The following DAAM1 variants were observed in gnomAD, a reference collection of about 807,000 sequenced individuals.
The protein encoded by DAAM1 is disheveled-associated activator of morphogenesis 1.
In DAAM1, 52 loss-of-function variants were observed where a neutral mutation model predicts 130.0. That is an observed-to-expected ratio of 0.40 (90% confidence interval 0.32 to 0.50). The LOEUF is 0.50. Ranked by LOEUF, DAAM1 falls within the 20% of genes least tolerant of loss-of-function variation. DAAM1 has a pLI of 0.61. For synonymous variants in DAAM1, 452 were observed against 444.5 expected, an observed-to-expected ratio of 1.02 and a Z score of -0.21; for missense variants, 1,134 against 1,303.8, an observed-to-expected ratio of 0.87 and a Z score of 2.01.
In DAAM1 at chr14:59,370,153, T is replaced by TAC. The variant is rs1887106308; in HGVS notation, c.*1294_*1295insAC. On this transcript the variant is annotated 3_prime_UTR_variant, in exon 25 of 25. Coordinates refer to ENST00000360909, the MANE Select transcript of DAAM1 (RefSeq NM_001270520.2). ...GACTGTTACTTTTTTACTTTTTTTTTTTTTTTTTTTTTTTTTTGGCTTTGC... is the reference window on the plus strand; with the variant it reads ...GACTGTTACTTTTTTACTTTTTTTTTACTTTTTTTTTTTTTTTTTGGCTTTGC... 2 of 80,620 alleles carry TAC rather than the reference T, an allele frequency of 2.5e-5. No individual in the cohort carries two copies. The highest frequency in any genetic ancestry group is 4.5e-5 in the Non-Finnish European group (2 of 44,340). 5.0% of individuals were successfully genotyped at this position (80,620 alleles called of 1,614,324 possible). A position where few individuals can be genotyped will look rare whatever the true frequency, so the allele number is the denominator to read the frequency against.
At chr14:59,302,895 C>G (rs1248560838) in intron 3 of DAAM1, among the ~76,000 whole-genome samples, 1 of 152,184 alleles carries the variant, frequency 6.6e-6, no homozygotes, top group Non-Finnish European at 1.5e-5. Flanking sequence ...CTCAGGTGAT[C>G]TACCCGCCTT....
intron 16 of DAAM1, among the ~76,000 whole-genome samples, chr14:59,341,431 C>T (rs568341335): frequency 1.3e-4 from 20 of 152,294 alleles, no homozygotes; most frequent in Middle Eastern, 6.8e-3. Context: ...TCACTTTCTG[C>T]GTTTTCAGTT....
At chr14:59,294,454 G>C (rs1479078232) in intron 3 of DAAM1, among the ~76,000 whole-genome samples, 1 of 152,120 alleles carries the variant, frequency 6.6e-6, no homozygotes, top group East Asian at 1.9e-4. Context: ...GAGTAATCTT[G>C]GGGGAGCATA....
At position 59,368,795 on chromosome 14, in the gene DAAM1, A is replaced by G. The variant is rs1459538467; in HGVS notation, c.3143A>G (p.Lys1048Arg). The G allele has an allele frequency of 6.2e-6, 10 of 1,613,926 alleles. No individual in the cohort carries two copies. The highest frequency in any genetic ancestry group is 8.5e-6 in the Non-Finnish European group (10 of 1,179,950). The change falls in exon 25 of 25, where the codon AAA becomes AGA. Residue 1048 changes from lysine (K) to arginine (R), a missense_variant. Lys to Arg is a conservative substitution (Grantham distance 26). Around this residue, in one of 3 missense-constraint regions of DAAM1, gnomAD observed 644 missense variants for 695.9 expected, o/e 0.93. Transcript: ENST00000360909. ...KDLSKLKRNR[K>R]RITNQMTDSS... is the part of the protein sequence containing the mutation. Reference sequence around the variant, plus strand: ...CTTTCTAAATTGAAACGGAATCGCAAACGTATTACCAACCAGATGACTGAC... The same window carrying G: ...CTTTCTAAATTGAAACGGAATCGCAGACGTATTACCAACCAGATGACTGAC...
chr14:59,274,178 A>G (rs1301997623), intron 2 of DAAM1, among the ~76,000 whole-genome samples: 2 of 152,112 alleles, frequency 1.3e-5, no homozygotes, highest in Non-Finnish European at 2.9e-5. Flanking sequence ...TCTTGTGTTC[A>G]GTTTTAAATG....
intron 20 of DAAM1, among the ~76,000 whole-genome samples, chr14:59,356,016 C>G (rs1463527078): frequency 6.6e-6 from 1 of 152,162 alleles, no homozygotes; most frequent in Non-Finnish European, 1.5e-5. Context: ...TGAACAGATT[C>G]TCATTAAAGA....
rs398025271 is a variant in DAAM1 at position 59,370,144 on chromosome 14, C to CTTTTTTTTTTTTTTTTTTTTTTTT, written c.*1288_*1311dup. 4.2e-4 allele frequency: 40 copies of CTTTTTTTTTTTTTTTTTTTTTTTT among 95,374 alleles called. No individual in the cohort carries two copies. Among genetic ancestry groups the CTTTTTTTTTTTTTTTTTTTTTTTT allele is most frequent in the South Asian group, 1.4e-3 (3 of 2,186 alleles). The allele number at this position is 95,374 out of a possible 1,614,324, so 5.9% of individuals were successfully genotyped here. On this transcript the variant is annotated 3_prime_UTR_variant, in exon 25 of 25. Coordinates refer to ENST00000360909, the MANE Select transcript of DAAM1 (RefSeq NM_001270520.2). The stretch of plus-strand genomic sequence containing the variant: ...TATAAAGAGGACTGTTACTTTTTTA[C>CTTTTTTTTTTTTTTTTTTTTTTTT]TTTTTTTTTTTTTTTTTTTTTTTTT...
chr14:59,355,355 A>G, intron 20 of DAAM1, 22 bp downstream of exon 20: 2 of 1,611,998 alleles, frequency 1.2e-6, no homozygotes, highest in Non-Finnish European at 1.7e-6. Context: ...ATCTTCCAAC[A>G]CTTGGGGGAG....
chr14:59,270,561 G>T (rs1434415253), intron 2 of DAAM1, among the ~76,000 whole-genome samples: 1 of 152,178 alleles, frequency 6.6e-6, no homozygotes, highest in Non-Finnish European at 1.5e-5. Flanking sequence ...ATGAGATTTG[G>T]AGGGGAACAC....
At chr14:59,339,077 G>T (rs1032276055) in intron 15 of DAAM1, among the ~76,000 whole-genome samples, 1 of 152,198 alleles carries the variant, frequency 6.6e-6, no homozygotes, top group Non-Finnish European at 1.5e-5. Context: ...GGCTTAGTAG[G>T]AAAGTACGTA....
chr14:59,326,778 T>G lies in DAAM1; in HGVS notation c.1313+130T>G, dbSNP rs574951795. On this transcript the variant is annotated intron_variant, in intron 11 of 24. Transcript: ENST00000360909. ...GGTCAAATATGAGTTACTGTACACA[T>G]GCACTATAGCTAAGTAACATCTGGT... 42 of 1,503,444 alleles carry G rather than the reference T, an allele frequency of 2.8e-5. No homozygotes were observed. In the Admixed American group the frequency reaches 4.2e-4, roughly 15 times the overall value. 93.1% of individuals were successfully genotyped at this position (1,503,444 alleles called of 1,614,324 possible). A position where few individuals can be genotyped will look rare whatever the true frequency, so the allele number is the denominator to read the frequency against.
chr14:59,368,811 G>A lies in DAAM1; in HGVS notation c.3159G>A (p.Gln1053=). Residue 1053 remains glutamine (Q), a synonymous_variant, in exon 25 of 25, where the codon CAG becomes CAA. Transcript: ENST00000360909. Reference sequence around the variant, plus strand: ...GGAATCGCAAACGTATTACCAACCAGATGACTGACAGCAGCAGAGAGAGAC... The same window carrying A: ...GGAATCGCAAACGTATTACCAACCAAATGACTGACAGCAGCAGAGAGAGAC... ...LKRNRKRITN[Q]MTDSSRERPI... The A allele has an allele frequency of 6.2e-7, 1 of 1,613,932 alleles. No individual in the cohort carries two copies. Among genetic ancestry groups the A allele is most frequent in the Middle Eastern group, 1.6e-4 (1 of 6,062 alleles).
rs60930585 is a variant in DAAM1 at position 59,212,581 on chromosome 14, C to T, written c.-38+23813C>T. ...GTTCTTCCCCCACTTCCTATTCCTT[C>T]CACTGCCATGCTAGACAATGCTTAT... On this transcript the variant is annotated intron_variant, in intron 1 of 24. Transcript: ENST00000360909. Among the ~76,000 whole-genome samples the T allele has an allele frequency of 8.8e-3, 1,337 of 152,332 alleles. 125 individuals are homozygous for T. In the East Asian group the frequency reaches 0.21, roughly 24 times the overall value.
At chr14:59,335,164 A>C (rs1885579979) in intron 15 of DAAM1, among the ~76,000 whole-genome samples, 1 of 152,198 alleles carries the variant, frequency 6.6e-6, no homozygotes. Flanking sequence ...ACTCATTATA[A>C]ATGTCAGACT....
At chr14:59,275,857 CAG>C (rs1281818213) in intron 2 of DAAM1, among the ~76,000 whole-genome samples, 2 of 152,148 alleles carry the variant, frequency 1.3e-5, no homozygotes, top group Non-Finnish European at 2.9e-5. Flanking sequence ...CTATCAGACA[CAG>C]AGAATATTAC....
chr14:59,291,193 A>G (rs1250202416), intron 2 of DAAM1, 24 bp from the exon 3 acceptor site: 2 of 1,583,396 alleles, frequency 1.3e-6, no homozygotes, highest in African/African-American at 1.4e-5. Flanking sequence ...CCTATGAAAC[A>G]CTAATTATTT....
At chr14:59,294,933 C>A (rs753430338) in intron 3 of DAAM1, among the ~76,000 whole-genome samples, 1 of 152,206 alleles carries the variant, frequency 6.6e-6, no homozygotes, top group Non-Finnish European at 1.5e-5. Flanking sequence ...ATGCTGACAG[C>A]AATCTTATCA....
chr14:59,267,200 T>G (rs941646045), intron 2 of DAAM1, among the ~76,000 whole-genome samples: 2 of 152,240 alleles, frequency 1.3e-5, no homozygotes, highest in African/African-American at 4.8e-5. Flanking sequence ...AAGCATCTCA[T>G]CAGAGCTGGT....
chr14:59,198,504 C>T (rs1005114017), intron 1 of DAAM1, among the ~76,000 whole-genome samples: 2 of 152,122 alleles, frequency 1.3e-5, no homozygotes, highest in African/African-American at 2.4e-5. Flanking sequence ...GCTAGGATTA[C>T]AGGCATGAGC....
Sources: allele counts gnomAD v4.1 joint callset (sites outside exome capture counted in the v4.1 genomes callset), GRCh38; gene constraint gnomAD v4.1.1; regional missense constraint gnomAD v4.1.1; transcripts MANE v1.5; gene names NCBI Gene and HGNC (gene_info 2026-07-23, HGNC 2026-07-21).